Variants in FBXO41 observed in about 807,000 individuals in gnomAD.
FBXO41 encodes the protein F-box protein 41.
A neutral mutation model predicts 81.6 loss-of-function variants in FBXO41; 33 were observed. The observed-to-expected ratio is 0.40, with a 90% CI of 0.31 to 0.54. The LOEUF (loss-of-function observed/expected upper bound fraction) is 0.54. FBXO41 is among the 20% of genes least tolerant of loss of function. FBXO41 has a pLI of 0.39. For synonymous variants in FBXO41, 576 were observed against 552.7 expected (o/e 1.04, Z -0.59); for missense variants, 1,107 against 1,236.0 (o/e 0.90, Z 1.56).
chr2:73,275,120 A>T (rs1688649763), intron 1 of FBXO41, among the ~76,000 whole-genome samples: 1 of 148,580 alleles, frequency 6.7e-6, no homozygotes, highest in African/African-American at 2.5e-5. Flanking sequence ...CGATCTCCTG[A>T]CCTCGTGATC....
intron 5 of FBXO41, 44 bp from the exon 6 acceptor site, chr2:73,264,563 G>A: frequency 1.2e-6 from 2 of 1,607,798 alleles, no homozygotes; most frequent in South Asian, 1.1e-5. Flanking sequence ...GAGGGTCAAG[G>A]CTGGTGTGGG....
chr2:73,270,611 T>C (rs932362298), intron 1 of FBXO41, among the ~76,000 whole-genome samples: 1 of 152,076 alleles, frequency 6.6e-6, no homozygotes, highest in Non-Finnish European at 1.5e-5. Context: ...CTAGAAAAGG[T>C]GAGGTAGGCT....
At chr2:73,280,123 G>A (rs1453469061) in intron 1 of FBXO41, among the ~76,000 whole-genome samples, 17 of 96,064 alleles carry the variant, frequency 1.8e-4, no homozygotes, top group South Asian at 8.1e-4. Context: ...CCCTGCCCCC[G>A]CCCCTCAACC....
In FBXO41 at chr2:73,263,718, C is replaced by A; in HGVS notation, c.2035G>T (p.Ala679Ser). ...NILTDRSLWL[A>S]SCYCRALQAV... Reference sequence around the variant, plus strand: ...TGCAGGGCACGGCAGTAGCAGCTGGCCAGCCAGAGCGAGCGGTCGGTGAGG... The same window carrying A: ...TGCAGGGCACGGCAGTAGCAGCTGGACAGCCAGAGCGAGCGGTCGGTGAGG... Residue 679 changes from alanine (A) to serine (S), a missense_variant, in exon 8 of 13, where the codon GCC (alanine) becomes TCC (serine). Around this residue, in one of 2 missense-constraint regions of FBXO41, gnomAD observed 336 missense variants for 446.7 expected, o/e 0.75. Transcript: ENST00000520530. 1 of 1,613,862 alleles carries A rather than the reference C, an allele frequency of 6.2e-7. No homozygotes were observed. Among genetic ancestry groups the A allele is most frequent in the African/African-American group, 1.3e-5 (1 of 75,032 alleles).
chr2:73,268,224 C>T (rs1688353429), intron 2 of FBXO41, among the ~76,000 whole-genome samples: 1 of 151,676 alleles, frequency 6.6e-6, no homozygotes, highest in Non-Finnish European at 1.5e-5. Context: ...AGCCTGGGTT[C>T]AAGAGAGAAA....
At position 73,265,573 on chromosome 2, in the gene FBXO41, G is replaced by A; in HGVS notation, c.1273C>T (p.Pro425Ser). ...TCAGGGGCCCCCTCCTCTGGCCTGG[G>A]CAGCTCCAGACTGTCACTGTCATAG... is the stretch of plus-strand genomic sequence containing the variant. Reference protein sequence around the residue: ...GCYDSDSLELPRPEEGAPEDS... With the variant: ...GCYDSDSLELSRPEEGAPEDS... The change falls in exon 5 of 13, where the codon CCC (proline) becomes TCC (serine). Residue 425 changes from proline (P) to serine (S), a missense_variant. Coordinates refer to ENST00000520530, the MANE Select transcript of FBXO41 (RefSeq NM_001371389.2). The A allele has an allele frequency of 1.3e-6, 2 of 1,560,476 alleles. No individual in the cohort carries two copies. The highest frequency in any genetic ancestry group is 1.7e-6 in the Non-Finnish European group (2 of 1,155,540).
chr2:73,270,868 G>T, intron 1 of FBXO41: 1 of 534,530 alleles, frequency 1.9e-6, no homozygotes. Flanking sequence ...CCACTGCCCT[G>T]TGATCAAGGT....
At chr2:73,276,107 T>A (rs111295969) in intron 1 of FBXO41, among the ~76,000 whole-genome samples, 18,184 of 150,016 alleles carry the variant, frequency 0.12, 3,233 homozygotes, top group African/African-American at 0.38. Context: ...TTCTTTTTTT[T>A]TAAAAAAATG....
intron 1 of FBXO41, among the ~76,000 whole-genome samples, chr2:73,279,964 G>C (rs1204339846): frequency 6.6e-6 from 1 of 152,048 alleles, no homozygotes; most frequent in African/African-American, 2.4e-5. Context: ...GGATGAAAAG[G>C]GTGCTATTTC....
At chr2:73,276,686 T>C (rs2103910282) in intron 1 of FBXO41, among the ~76,000 whole-genome samples, 1 of 151,376 alleles carries the variant, frequency 6.6e-6, no homozygotes, top group South Asian at 2.1e-4. Context: ...ACAGAGAAGA[T>C]TTTCTTAAAT....
rs374655445 is a variant in FBXO41 at position 73,264,524 on chromosome 2, A to G, written c.1565-5T>C. 22 of 1,613,080 alleles carry G rather than the reference A, an allele frequency of 1.4e-5. No individual in the cohort carries two copies. Among genetic ancestry groups the G allele is most frequent in the Non-Finnish European group, 5.9e-6 (7 of 1,179,840 alleles). On this transcript the variant is annotated splice_polypyrimidine_tract_variant and splice_region_variant and intron_variant, in intron 5 of 12. Transcript: ENST00000520530. ...CACTGCCTCCCTCGGGGCGGGCTGC[A>G]GAATACCAGGGGTTCAAAAGTGAGC...
chr2:73,264,570 T>TG lies in FBXO41; in HGVS notation c.1565-52dup. Reference sequence around the variant, plus strand: ...TGAGCGTGGAGGGTCAAGGCTGGTGTGGGGATGTGTGTGGGGAGCTGGGGC... The same window carrying TG: ...TGAGCGTGGAGGGTCAAGGCTGGTGTGGGGGATGTGTGTGGGGAGCTGGGGC... On this transcript the variant is annotated intron_variant, in intron 5 of 12. Coordinates refer to ENST00000520530, the MANE Select transcript of FBXO41 (RefSeq NM_001371389.2). The TG allele has an allele frequency of 3.7e-6, 6 of 1,604,312 alleles. No homozygotes were observed. In the South Asian group the frequency reaches 5.5e-5, roughly 15 times the overall value.
intron 1 of FBXO41, among the ~76,000 whole-genome samples, chr2:73,279,066 A>C (rs1688777324): frequency 6.6e-6 from 1 of 152,202 alleles, no homozygotes; most frequent in South Asian, 2.1e-4. Flanking sequence ...GAAACTATTA[A>C]CCACGGTAGC....
Position 73,260,631 on chromosome 2 carries a change from C to A in FBXO41, c.2291-84G>T. The A allele has an allele frequency of 6.5e-7, 1 of 1,536,474 alleles. No individual in the cohort carries two copies. The highest frequency in any genetic ancestry group is 8.8e-7 in the Non-Finnish European group (1 of 1,137,184). On this transcript the variant is annotated intron_variant, in intron 10 of 12. Transcript: ENST00000520530. This position sits in a 1 kb window ranked among gnomAD's most constrained non-coding sequence, Gnocchi z 5.0. ...AGCACCCTGGCTACCACCCTGCCACCTGCCACCACCCAGGCTGCAGCCCCA... is the reference window on the plus strand; with the variant it reads ...AGCACCCTGGCTACCACCCTGCCACATGCCACCACCCAGGCTGCAGCCCCA...
chr2:73,259,363 A>G lies in FBXO41; in HGVS notation c.2450-67T>C. The G allele has an allele frequency of 7.8e-7, 1 of 1,284,306 alleles. No homozygotes were observed. The highest frequency in any genetic ancestry group is 1.7e-5 in the Admixed American group (1 of 57,784). 79.6% of individuals were successfully genotyped at this position (1,284,306 alleles called of 1,614,324 possible). ...CTGTGGAGCTGCCTCCTCTCCTCTC[A>G]CTAATTAATGAAATCAGACAATCAG... On this transcript the variant is annotated intron_variant, in intron 11 of 12. Coordinates refer to ENST00000520530, the MANE Select transcript of FBXO41 (RefSeq NM_001371389.2). The surrounding 1 kb of genome is among the most constrained non-coding windows in gnomAD (Gnocchi z 4.2).
At position 73,284,344 on chromosome 2, in the gene FBXO41, C is replaced by T. The variant is rs1451289266; in HGVS notation, c.-323G>A. Reference sequence around the variant, plus strand: ...TCTCGGGGCGGGGGCGGCCGAACCTCCCAGCCAGTCGCAGCGGGAGGGGCG... The same window carrying T: ...TCTCGGGGCGGGGGCGGCCGAACCTTCCAGCCAGTCGCAGCGGGAGGGGCG... On this transcript the variant is annotated 5_prime_UTR_variant, in exon 1 of 13. Transcript: ENST00000520530. The surrounding 1 kb of genome is among the most constrained non-coding windows in gnomAD (Gnocchi z 7.4). The T allele has an allele frequency of 6.6e-6, 1 of 152,178 alleles. No homozygotes were observed. The highest frequency in any genetic ancestry group is 2.4e-5 in the African/African-American group (1 of 41,422). 9.4% of individuals were successfully genotyped at this position (152,178 alleles called of 1,614,324 possible).
rs955074463 is a variant in FBXO41 at position 73,268,923 on chromosome 2, C to G, written c.708G>C (p.Arg236=). ...CCTTGCGCTCCAGCTCGGCCTGCAG[C>G]CGGCCCACCTGGCCCGCGATCTTCT... ...VEQKIAGQVG[R]LQAELERKAA... Residue 236 remains arginine, a synonymous_variant, in exon 2 of 13, where the codon CGG becomes CGC. Transcript: ENST00000520530. 4.5e-6 allele frequency: 7 copies of G among 1,542,040 alleles called. No homozygotes were observed. In the East Asian group the frequency reaches 1.5e-4, roughly 32 times the overall value.
chr2:73,264,422 T>G lies in FBXO41; in HGVS notation c.1662A>C (p.Arg554=). 1 of 1,613,948 alleles carries G rather than the reference T, an allele frequency of 6.2e-7. No homozygotes were observed. Among genetic ancestry groups the G allele is most frequent in the Non-Finnish European group, 8.5e-7 (1 of 1,179,896 alleles). ...AGGTGAAGATGCAGAAGAGGGCAGC[T>G]CGCATCTTCAGGATCTCTGGGCTGA... ...EVISPEILKM[R]AALFCIFTYL... is the part of the protein sequence containing the mutation. The change falls in exon 6 of 13, where the codon CGA becomes CGC. Residue 554 remains arginine, a synonymous_variant. Transcript: ENST00000520530.
intron 5 of FBXO41, among the ~76,000 whole-genome samples, 171 bp downstream of exon 5, chr2:73,265,111 G>T (rs1688194216): frequency 6.6e-6 from 1 of 152,178 alleles, no homozygotes; most frequent in Admixed American, 6.5e-5. Context: ...GACAATCTGA[G>T]CATACTTGTG....
Sources: gnomAD v4.1 joint callset for allele counts (sites outside exome capture counted in the v4.1 genomes callset) on GRCh38, gnomAD v4.1.1 for gene constraint, gnomAD v4.1.1 regional missense constraint, Gnocchi (gnomAD v3.1) non-coding constraint, MANE v1.5 for transcripts, NCBI Gene and HGNC (gene_info 2026-07-23, HGNC 2026-07-21) for gene names.